Variants in MEP1A observed in about 807,000 individuals in gnomAD.
The protein encoded by MEP1A is N-benzoyl-L-tyrosyl-P-amino-benzoic acid hydrolase subunit alpha.
A neutral mutation model predicts 84.5 loss-of-function variants in MEP1A; 68 were observed. The ratio of observed to expected loss-of-function variants is 0.80; its 90% CI spans 0.66 to 0.98. MEP1A has a LOEUF of 0.98. Ranked by LOEUF, MEP1A falls within the 50% of genes least tolerant of loss-of-function variation. The pLI, the probability that MEP1A is intolerant of heterozygous loss-of-function variation, is 0.00. For synonymous variants in MEP1A, 337 were observed against 336.8 expected, an observed-to-expected ratio of 1.00 and a Z score of -0.01; for missense variants, 887 against 919.9, an observed-to-expected ratio of 0.96 and a Z score of 0.46.
chr6:46,793,514 T>C, intron 1 of MEP1A, 38 bp from the exon 2 acceptor site: 2 of 1,580,032 alleles, frequency 1.3e-6, no homozygotes, highest in Non-Finnish European at 1.7e-6. Flanking sequence ...TTAATTCTAG[T>C]ATACATTATC....
Position 46,834,658 on chromosome 6 carries a change from G to T in MEP1A, c.1690G>T (p.Asp564Tyr). 6.2e-7 allele frequency: 1 copy of T among 1,611,360 alleles called. No homozygotes were observed. Among genetic ancestry groups the T allele is most frequent in the South Asian group, 1.1e-5 (1 of 90,952 alleles). Residue 564 changes from aspartate (D) to tyrosine (Y), a missense_variant, in exon 12 of 14, where the codon GAC (aspartate) becomes TAC (tyrosine). Coordinates refer to ENST00000230588, the MANE Select transcript of MEP1A (RefSeq NM_005588.3). The stretch of plus-strand genomic sequence containing the variant: ...GGACTGTAATTGTTTTAGAAGCATC[G>T]ACTTGGGCTGGAGTGGTTTCATTTC... ...HTDCNCFRSI[D>Y]LGWSGFISHQ...
intron 6 of MEP1A, among the ~76,000 whole-genome samples, chr6:46,810,625 T>A (rs886168131): frequency 3.9e-5 from 6 of 152,198 alleles, no homozygotes; most frequent in Non-Finnish European, 5.9e-5. Context: ...CTTTGATCCA[T>A]CTTGAGTTGA....
chr6:46,833,065 T>G lies in MEP1A; in HGVS notation c.1145-9T>G. 1.3e-6 allele frequency: 2 copies of G among 1,482,306 alleles called. No homozygotes were observed. The highest frequency in any genetic ancestry group is 1.8e-6 in the Non-Finnish European group (2 of 1,103,796). 91.8% of individuals were successfully genotyped at this position (1,482,306 alleles called of 1,614,324 possible). A position where few individuals can be genotyped will look rare whatever the true frequency, so the allele number is the denominator to read the frequency against. On this transcript the variant is annotated splice_polypyrimidine_tract_variant and intron_variant, in intron 10 of 13. Coordinates refer to ENST00000230588, the MANE Select transcript of MEP1A (RefSeq NM_005588.3). ...CACAGTTCTCACCAGCCTTGTTCTC[T>G]GTCCTCAGGAGATGATGACCACAAT... is the stretch of plus-strand genomic sequence containing the variant.
chr6:46,833,821 G>A (rs1262322455), intron 11 of MEP1A, among the ~76,000 whole-genome samples: 4 of 152,082 alleles, frequency 2.6e-5, no homozygotes, highest in Non-Finnish European at 5.9e-5. Context: ...GCCTCACTGA[G>A]CTCGTTGTGA....
At chr6:46,794,354 G>C (rs997575567) in intron 3 of MEP1A, among the ~76,000 whole-genome samples, 1 of 152,176 alleles carries the variant, frequency 6.6e-6, no homozygotes, top group Non-Finnish European at 1.5e-5. Flanking sequence ...ATGATAATAA[G>C]TACCTTCAGT....
At chr6:46,827,157 A>G (rs1767967587) in intron 9 of MEP1A, among the ~76,000 whole-genome samples, 1 of 152,288 alleles carries the variant, frequency 6.6e-6, no homozygotes, top group African/African-American at 2.4e-5. Flanking sequence ...CTTCCTATAT[A>G]TGGTGTAGTG....
Position 46,826,441 on chromosome 6 carries a change from G to A in MEP1A, c.866G>A (p.Trp289Ter). The A allele has an allele frequency of 6.2e-7, 1 of 1,608,804 alleles. No individual in the cohort carries two copies. Among genetic ancestry groups the A allele is most frequent in the Non-Finnish European group, 8.5e-7 (1 of 1,177,498 alleles). The part of the protein sequence containing the change: ...MIQGTRDDTD[W>*]AHQDSAQAGE... ...CAGGGCACCAGAGATGACACTGACT[G>A]GGCCCATCAGGACAGTGCTCAGGCT... Residue 289 changes from tryptophan to a stop codon, truncating the protein, a stop_gained, in exon 9 of 14, where the codon TGG becomes TAG. Transcript: ENST00000230588. LOFTEE classifies it high-confidence loss of function.
intron 3 of MEP1A, among the ~76,000 whole-genome samples, chr6:46,798,174 G>T (rs1387344720): frequency 4.6e-5 from 7 of 151,960 alleles, no homozygotes; most frequent in Non-Finnish European, 1.0e-4. Context: ...TACCATGTTG[G>T]CCAGGCTGGT....
In MEP1A at chr6:46,799,225, C is replaced by G. The variant is rs766140230; in HGVS notation, c.262+44C>G. 3.1e-6 allele frequency: 4 copies of G among 1,289,412 alleles called. No individual in the cohort carries two copies. In the East Asian group the frequency reaches 9.2e-5, roughly 30 times the overall value. The allele number at this position is 1,289,412 out of a possible 1,614,324, so 79.9% of individuals were successfully genotyped here. A position where few individuals can be genotyped will look rare whatever the true frequency, so the allele number is the denominator to read the frequency against. ...AATTAGGAAGTTTCAGTTTAACTCT[C>G]TCTCTCCTCTCAGCCTGTCCATGGG... On this transcript the variant is annotated intron_variant, in intron 5 of 13. Transcript: ENST00000230588.
chr6:46,806,640 A>G (rs1021686651), intron 5 of MEP1A, among the ~76,000 whole-genome samples: 1 of 151,996 alleles, frequency 6.6e-6, no homozygotes, highest in Non-Finnish European at 1.5e-5. Context: ...TCTCCCATTT[A>G]TGCAAAGTTC....
At chr6:46,814,449 A>G (rs900723323) in intron 6 of MEP1A, among the ~76,000 whole-genome samples, 3 of 151,758 alleles carry the variant, frequency 2.0e-5, no homozygotes, top group African/African-American at 7.3e-5. Context: ...TTCCTTTCAT[A>G]TTCTCATCAT....
intron 3 of MEP1A, among the ~76,000 whole-genome samples, chr6:46,794,872 A>G (rs1767016344): frequency 6.6e-6 from 1 of 152,170 alleles, no homozygotes; most frequent in Non-Finnish European, 1.5e-5. Context: ...AATAAAAATT[A>G]ATTATTTACC....
intron 4 of MEP1A, 137 bp downstream of exon 4, chr6:46,798,783 G>A (rs1767125020): frequency 2.7e-6 from 2 of 748,176 alleles, no homozygotes; most frequent in East Asian, 2.6e-5. Flanking sequence ...CTGTTCCAGT[G>A]AGGAGTTCCA....
Position 46,798,598 on chromosome 6 carries a change from ACTTCCAGCTGCAGG to A in MEP1A, c.146-4_155del. 1 of 1,613,094 alleles carries A rather than the reference ACTTCCAGCTGCAGG, an allele frequency of 6.2e-7. No homozygotes were observed. The highest frequency in any genetic ancestry group is 8.5e-7 in the Non-Finnish European group (1 of 1,179,302). ...ATATTCTTTTTTTAAAAAAAATTCC[ACTTCCAGCTGCAGG>A]CTTGGACCTCTTTCAAGGGGACATC... On this transcript the variant is annotated splice_acceptor_variant and splice_polypyrimidine_tract_variant and coding_sequence_variant and intron_variant, in exon 4 of 14. Transcript: ENST00000230588. LOFTEE classifies it high-confidence loss of function.
chr6:46,807,578 AAGGAAGG>A (rs1562106711), intron 5 of MEP1A, among the ~76,000 whole-genome samples: 6 of 73,404 alleles, frequency 8.2e-5, no homozygotes, highest in African/African-American at 3.5e-4. Flanking sequence ...GGAAGGAAGG[AAGGAAGG>A]AAGGAAGGAA....
chr6:46,796,560 A>G (rs1216625084), intron 3 of MEP1A, among the ~76,000 whole-genome samples: 1 of 152,238 alleles, frequency 6.6e-6, no homozygotes, highest in African/African-American at 2.4e-5. Flanking sequence ...CAAGAGAGTC[A>G]TCTCCTTAAG....
intron 10 of MEP1A, among the ~76,000 whole-genome samples, chr6:46,830,425 C>T (rs1423190936): frequency 2.6e-5 from 4 of 152,044 alleles, no homozygotes; most frequent in African/African-American, 9.7e-5. Flanking sequence ...TAACATGTTC[C>T]TAAGTGTCAC....
chr6:46,829,887 A>G (rs1768040641), intron 10 of MEP1A, among the ~76,000 whole-genome samples: 2 of 152,148 alleles, frequency 1.3e-5, no homozygotes, highest in African/African-American at 4.8e-5. Flanking sequence ...GCCAAGACTG[A>G]GAAAATGGAT....
At position 46,839,186 on chromosome 6, in the gene MEP1A, C is replaced by G; in HGVS notation, c.*50C>G. The G allele has an allele frequency of 6.4e-7, 1 of 1,551,982 alleles. No individual in the cohort carries two copies. Among genetic ancestry groups the G allele is most frequent in the Non-Finnish European group, 8.8e-7 (1 of 1,139,292 alleles). On this transcript the variant is annotated 3_prime_UTR_variant, in exon 14 of 14. Transcript: ENST00000230588. ...CACAGCAGCACCTCCTCCATGCAGGCCTTAACTTTCCCATGGTCAATGCAG... is the reference window on the plus strand; with the variant it reads ...CACAGCAGCACCTCCTCCATGCAGGGCTTAACTTTCCCATGGTCAATGCAG...
Sources: gnomAD v4.1 joint callset for allele counts (sites outside exome capture counted in the v4.1 genomes callset) on GRCh38, gnomAD v4.1.1 for gene constraint, MANE v1.5 for transcripts, NCBI Gene and HGNC (gene_info 2026-07-23, HGNC 2026-07-21) for gene names.